FBXW10B: variants seen among roughly 807,000 people sequenced by gnomAD.
FBXW10B encodes the protein F-box and WD repeat domain containing protein 10B.
chr17:15,583,320 C>G, the FBXW10B span, among the ~76,000 whole-genome samples: 1 of 132,900 alleles, frequency 7.5e-6, no homozygotes, highest in Admixed American at 8.7e-5. Context: ...ACCCATCCAT[C>G]GGGTCTCAGT....
the FBXW10B span, among the ~76,000 whole-genome samples, chr17:15,597,500 G>A: frequency 6.6e-6 from 1 of 151,658 alleles, no homozygotes; most frequent in African/African-American, 2.4e-5. Context: ...GGGCGTGGTG[G>A]CGTGCAACTG....
chr17:15,566,829 G>A, the FBXW10B span, among the ~76,000 whole-genome samples: 25,929 of 151,428 alleles, frequency 0.17, 3,416 homozygotes, highest in East Asian at 0.5. Flanking sequence ...CTCCCAAAGT[G>A]CTGGGATTAC....
chr17:15,619,367 T>C, the FBXW10B span: 2 of 1,613,894 alleles, frequency 1.2e-6, no homozygotes, highest in East Asian at 2.2e-5. Flanking sequence ...TGATATGTCA[T>C]TGATCCTGCA....
the FBXW10B span, among the ~76,000 whole-genome samples, chr17:15,606,145 C>G: frequency 1.4e-5 from 2 of 141,602 alleles, no homozygotes; most frequent in Non-Finnish European, 3.0e-5. Context: ...CTCCCTGTAA[C>G]CTCCAGCTCT....
chr17:15,618,929 T>C, the FBXW10B span: 1 of 1,566,042 alleles, frequency 6.4e-7, no homozygotes, highest in Non-Finnish European at 8.7e-7. Flanking sequence ...TGTCTACAAC[T>C]GCAGTTCCTT....
the FBXW10B span, among the ~76,000 whole-genome samples, chr17:15,608,029 C>T: frequency 4.0e-5 from 6 of 151,572 alleles, no homozygotes; most frequent in African/African-American, 1.5e-4. Flanking sequence ...GTCACAGGTG[C>T]CCTTTGACCG....
At chr17:15,590,553 T>C in the FBXW10B span, among the ~76,000 whole-genome samples, 1 of 148,324 alleles carries the variant, frequency 6.7e-6, no homozygotes, top group Non-Finnish European at 1.5e-5. Context: ...TAGTTGACCT[T>C]CACAGAGCAC....
chr17:15,589,656 C>A, the FBXW10B span, among the ~76,000 whole-genome samples: 3,289 of 152,114 alleles, frequency 0.022, 83 homozygotes, highest in East Asian at 0.12. Flanking sequence ...GAAAATAGCT[C>A]ATTTTTACCA....
chr17:15,600,727 A>G, the FBXW10B span, among the ~76,000 whole-genome samples: 11 of 152,180 alleles, frequency 7.2e-5, no homozygotes, highest in Admixed American at 3.3e-4. Flanking sequence ...AAGAAAAACA[A>G]AAGGTGGTAT....
chr17:15,618,051 T>G, the FBXW10B span, among the ~76,000 whole-genome samples: 2 of 152,142 alleles, frequency 1.3e-5, no homozygotes, highest in African/African-American at 4.8e-5. Context: ...AATCCCTGGT[T>G]GAGTGCAGTG....
the FBXW10B span, among the ~76,000 whole-genome samples, chr17:15,594,088 A>T: frequency 2.0e-5 from 3 of 152,176 alleles, no homozygotes; most frequent in East Asian, 5.8e-4. Flanking sequence ...TAACATATAG[A>T]TGATCATGTT....
chr17:15,592,049 C>T, the FBXW10B span, among the ~76,000 whole-genome samples: 1 of 152,164 alleles, frequency 6.6e-6, no homozygotes, highest in Non-Finnish European at 1.5e-5. Context: ...CCTTTCTGTG[C>T]TCTTCCCTTA....
chr17:15,616,297 C>T, the FBXW10B span, among the ~76,000 whole-genome samples: 1 of 151,864 alleles, frequency 6.6e-6, no homozygotes, highest in Admixed American at 6.6e-5. Flanking sequence ...GCCTCAGCCT[C>T]CCAAGTAGCT....
At chr17:15,567,492 C>A in the FBXW10B span, among the ~76,000 whole-genome samples, 3 of 151,964 alleles carry the variant, frequency 2.0e-5, no homozygotes, top group Admixed American at 6.6e-5. Flanking sequence ...ATATAATATT[C>A]CATACAATAG....
At chr17:15,586,184 T>A in the FBXW10B span, among the ~76,000 whole-genome samples, 1 of 151,704 alleles carries the variant, frequency 6.6e-6, no homozygotes. Flanking sequence ...AATTAGGGCA[T>A]GAAAAAGATT....
At chr17:15,573,303 T>C in the FBXW10B span, 6 of 152,158 alleles carry the variant, frequency 3.9e-5, no homozygotes, top group African/African-American at 1.4e-4. Flanking sequence ...GCTTGTAGCA[T>C]GAAGAATAAT....
the FBXW10B span, among the ~76,000 whole-genome samples, chr17:15,592,921 G>A: frequency 2.6e-5 from 4 of 151,712 alleles, no homozygotes; most frequent in Non-Finnish European, 4.4e-5. Flanking sequence ...TGGCCAAGAT[G>A]GTGAAACCCC....
chr17:15,612,854 A>G, the FBXW10B span: 1 of 1,603,754 alleles, frequency 6.2e-7, no homozygotes, highest in Non-Finnish European at 8.5e-7. Context: ...CAAAAATAAA[A>G]ACAGAAAATG....
chr17:15,569,608 A>G, the FBXW10B span, among the ~76,000 whole-genome samples: 4 of 151,218 alleles, frequency 2.6e-5, no homozygotes, highest in Non-Finnish European at 5.9e-5. Context: ...TACAGGTGCC[A>G]GTCGCTGGGC....
Sources: allele counts gnomAD v4.1 joint callset (sites outside exome capture counted in the v4.1 genomes callset), GRCh38; gene constraint gnomAD v4.1.1; transcripts MANE v1.5; gene names NCBI Gene and HGNC (gene_info 2026-07-23, HGNC 2026-07-21).